Variants in RBFOX1 observed in about 807,000 individuals in gnomAD.
RBFOX1 encodes RNA binding protein fox-1 homolog 1.
A neutral mutation model predicts 57.7 loss-of-function variants in RBFOX1; 8 were observed. The ratio of observed to expected loss-of-function variants is 0.14; its 90% CI spans 0.08 to 0.25. The LOEUF is 0.25. Among genes scored for constraint, RBFOX1 ranks in the 10% least tolerant of loss-of-function variants. RBFOX1 has a pLI of 1.00. For synonymous variants in RBFOX1, 326 were observed against 222.4 expected, an observed-to-expected ratio of 1.47 and a Z score of -4.15; for missense variants, 611 against 548.5, an observed-to-expected ratio of 1.11 and a Z score of -1.14.
chr16:5,284,067 C>G (rs948858752), intron 1 of RBFOX1, among the ~76,000 whole-genome samples: 1 of 152,006 alleles, frequency 6.6e-6, no homozygotes, highest in African/African-American at 2.4e-5. Flanking sequence ...GTGAATAAGT[C>G]TCGCAAGATC....
At chr16:7,315,828 T>G (rs970650270) in intron 4 of RBFOX1, among the ~76,000 whole-genome samples, 7 of 152,198 alleles carry the variant, frequency 4.6e-5, no homozygotes, top group African/African-American at 1.7e-4. Context: ...TTGTTTTTAA[T>G]TATGTCTACA....
chr16:5,379,354 C>A (rs960651449), intron 1 of RBFOX1, among the ~76,000 whole-genome samples: 1 of 151,512 alleles, frequency 6.6e-6, no homozygotes, highest in Admixed American at 6.6e-5. Context: ...GAGAAACACA[C>A]CCCCAGCCCA....
intron 1 of RBFOX1, among the ~76,000 whole-genome samples, chr16:6,023,291 C>G (rs1048029254): frequency 5.4e-5 from 8 of 148,266 alleles, no homozygotes; most frequent in African/African-American, 1.8e-4. Context: ...ATATATAGAA[C>G]CTGCTCCTGT....
chr16:7,029,182 GTATA>G (rs1180270048), intron 3 of RBFOX1, among the ~76,000 whole-genome samples: 1 of 45,532 alleles, frequency 2.2e-5, no homozygotes, highest in African/African-American at 5.1e-5. Flanking sequence ...ACGTATACGT[GTATA>G]TATACACATA....
intron 4 of RBFOX1, among the ~76,000 whole-genome samples, chr16:7,294,675 C>T (rs1000825476): frequency 6.6e-6 from 1 of 151,852 alleles, no homozygotes; most frequent in Non-Finnish European, 1.5e-5. Flanking sequence ...CTGGGGTCAG[C>T]GATATATTCC....
chr16:6,258,241 C>G (rs2097680651), intron 1 of RBFOX1, among the ~76,000 whole-genome samples: 1 of 152,220 alleles, frequency 6.6e-6, no homozygotes, highest in South Asian at 2.1e-4. Flanking sequence ...GCTGATGCAA[C>G]TGTGCTCTTG....
intron 4 of RBFOX1, among the ~76,000 whole-genome samples, chr16:7,325,331 A>G (rs1947580881): frequency 6.6e-6 from 1 of 152,222 alleles, no homozygotes; most frequent in Non-Finnish European, 1.5e-5. Context: ...GCACGGGAAC[A>G]CACAGCTGAT....
intron 3 of RBFOX1, among the ~76,000 whole-genome samples, chr16:5,658,040 C>T (rs1223109643): frequency 6.6e-6 from 1 of 152,116 alleles, no homozygotes; most frequent in Non-Finnish European, 1.5e-5. Context: ...CTAAGGTCTG[C>T]AAATTCTTGA....
chr16:6,886,837 G>C (rs574515595), intron 3 of RBFOX1, among the ~76,000 whole-genome samples: 1 of 151,920 alleles, frequency 6.6e-6, no homozygotes, highest in Admixed American at 6.6e-5. Flanking sequence ...GTTTGCTTTA[G>C]AATCAGTGAA....
chr16:7,353,914 T>C (rs1488608118), intron 4 of RBFOX1, among the ~76,000 whole-genome samples: 1 of 152,204 alleles, frequency 6.6e-6, no homozygotes, highest in African/African-American at 2.4e-5. Context: ...ATCACCACTT[T>C]CATACACAGT....
At chr16:5,457,255 C>G (rs1358744872) in intron 1 of RBFOX1, among the ~76,000 whole-genome samples, 2 of 152,168 alleles carry the variant, frequency 1.3e-5, no homozygotes, top group Admixed American at 6.5e-5. Flanking sequence ...CTGCCTCAGC[C>G]TCCCAAGTAA....
intron 3 of RBFOX1, among the ~76,000 whole-genome samples, chr16:5,732,960 G>C (rs1240523818): frequency 6.6e-6 from 1 of 152,104 alleles, no homozygotes; most frequent in Non-Finnish European, 1.5e-5. Context: ...GAGCTTTTTG[G>C]GGTGATGGAA....
chr16:5,390,968 GC>G (rs2066392685), intron 1 of RBFOX1, among the ~76,000 whole-genome samples: 1 of 152,188 alleles, frequency 6.6e-6, no homozygotes, highest in South Asian at 2.1e-4. Flanking sequence ...CATTCCTGAA[GC>G]TAGACCAATC....
chr16:5,803,411 C>G (rs1207417452), intron 3 of RBFOX1, among the ~76,000 whole-genome samples: 1 of 152,168 alleles, frequency 6.6e-6, no homozygotes, highest in Non-Finnish European at 1.5e-5. Context: ...GATCCCAGTT[C>G]CCACACTGAC....
At chr16:6,389,903 T>A (rs141609568) in intron 2 of RBFOX1, among the ~76,000 whole-genome samples, 1 of 152,200 alleles carries the variant, frequency 6.6e-6, no homozygotes, top group Non-Finnish European at 1.5e-5. Flanking sequence ...TGTACTGCCA[T>A]CTGAGTCGCT....
rs547593517 is a variant in RBFOX1 at position 7,603,588 on chromosome 16, T to A, written c.623-3697T>A. Among the ~76,000 whole-genome samples the A allele has an allele frequency of 7.9e-5, 12 of 152,188 alleles. No homozygotes were observed. The East Asian group carries it at 2.3e-3, about 29-fold the overall frequency. On this transcript the variant is annotated intron_variant, in intron 9 of 15. Transcript: ENST00000550418. ...AAAGACTCCAGAGCCCTAAATAACA[T>A]GAAGTCGACTTTGTGAAAAGCTAGA... is the stretch of plus-strand genomic sequence containing the variant.
chr16:7,575,821 C>CT (rs2093282266), intron 5 of RBFOX1, among the ~76,000 whole-genome samples: 2 of 152,176 alleles, frequency 1.3e-5, no homozygotes, highest in Admixed American at 1.3e-4. Flanking sequence ...CAGTGGAGGG[C>CT]TTTGTGATGA....
chr16:5,368,935 T>C (rs1385280327), intron 1 of RBFOX1, among the ~76,000 whole-genome samples: 1 of 152,256 alleles, frequency 6.6e-6, no homozygotes, highest in Non-Finnish European at 1.5e-5. Context: ...CAATTCTCAC[T>C]ATTCTAACTT....
intron 4 of RBFOX1, among the ~76,000 whole-genome samples, chr16:5,921,704 A>C (rs1043489179): frequency 6.6e-6 from 1 of 152,192 alleles, no homozygotes; most frequent in Non-Finnish European, 1.5e-5. Flanking sequence ...ATGGTTCTGC[A>C]GGCTGTACAG....
Sources: gnomAD v4.1 joint callset for allele counts (sites outside exome capture counted in the v4.1 genomes callset) on GRCh38, gnomAD v4.1.1 for gene constraint, MANE v1.5 for transcripts, NCBI Gene and HGNC (gene_info 2026-07-23, HGNC 2026-07-21) for gene names.